PABPC4L: variants seen among roughly 807,000 people sequenced by gnomAD.
PABPC4L encodes the protein polyadenylate-binding protein 4-like.
For missense variants in PABPC4L, 452 were observed against 451.4 expected, an observed-to-expected ratio of 1.00 and a Z score of -0.01; for synonymous variants, 169 against 164.1, an observed-to-expected ratio of 1.03 and a Z score of -0.23.
chr4:134,078,755 C>A, the PABPC4L span, among the ~76,000 whole-genome samples: 3 of 151,532 alleles, frequency 2.0e-5, no homozygotes, highest in African/African-American at 4.9e-5. Context: ...CGTGTTCAAG[C>A]CTTTCTCCTG....
the PABPC4L span, among the ~76,000 whole-genome samples, chr4:134,055,162 G>A: frequency 6.6e-6 from 1 of 151,878 alleles, no homozygotes; most frequent in Non-Finnish European, 1.5e-5. Flanking sequence ...ATCATATATT[G>A]AAGCTCTAAC....
the PABPC4L span, among the ~76,000 whole-genome samples, chr4:134,089,639 C>T: frequency 6.6e-6 from 1 of 151,976 alleles, no homozygotes; most frequent in African/African-American, 2.4e-5. Context: ...TACAGTTATC[C>T]TTTGAACAAT....
chr4:134,135,122 T>C, the PABPC4L span, among the ~76,000 whole-genome samples: 1 of 152,150 alleles, frequency 6.6e-6, no homozygotes, highest in African/African-American at 2.4e-5. Context: ...TAATCATTGA[T>C]AAGACACGCT....
chr4:134,022,571 GT>G, the PABPC4L span, among the ~76,000 whole-genome samples: 839 of 149,146 alleles, frequency 5.6e-3, 9 homozygotes, highest in African/African-American at 0.019. Context: ...TATTAGTTTA[GT>G]TTTTTTTTTA....
chr4:134,049,150 A>G, the PABPC4L span, among the ~76,000 whole-genome samples: 12 of 152,178 alleles, frequency 7.9e-5, no homozygotes, highest in African/African-American at 2.9e-4. Flanking sequence ...GATACTTATT[A>G]ATGCTTTAAG....
chr4:134,078,162 A>G, the PABPC4L span, among the ~76,000 whole-genome samples: 1 of 152,226 alleles, frequency 6.6e-6, no homozygotes, highest in South Asian at 2.1e-4. Flanking sequence ...AAAAGCTTAC[A>G]TAAGTATCTC....
the PABPC4L span, among the ~76,000 whole-genome samples, chr4:134,044,356 C>T: frequency 4.7e-4 from 71 of 152,248 alleles, no homozygotes; most frequent in African/African-American, 1.4e-3. Context: ...CTCAGCCTCC[C>T]GGGTTCACAG....
At chr4:134,156,217 A>G in the PABPC4L span, among the ~76,000 whole-genome samples, 1 of 152,000 alleles carries the variant, frequency 6.6e-6, no homozygotes, top group African/African-American at 2.4e-5. Context: ...TTCTAAAGTA[A>G]TCTCGACCTA....
chr4:134,094,269 G>T, the PABPC4L span, among the ~76,000 whole-genome samples: 5 of 151,740 alleles, frequency 3.3e-5, no homozygotes, highest in Non-Finnish European at 7.4e-5. Flanking sequence ...CCTCAACCAA[G>T]ATAGCCATTC....
At chr4:133,953,471 C>T in the PABPC4L span, among the ~76,000 whole-genome samples, 1 of 152,144 alleles carries the variant, frequency 6.6e-6, no homozygotes, top group Non-Finnish European at 1.5e-5. Context: ...CTTTTAGTTA[C>T]AAAATTAACA....
chr4:133,986,798 C>T, the PABPC4L span, among the ~76,000 whole-genome samples: 4 of 151,064 alleles, frequency 2.6e-5, no homozygotes, highest in Non-Finnish European at 4.4e-5. Context: ...TGCAGTGGCA[C>T]GATCTCAGCT....
chr4:133,972,378 C>A, the PABPC4L span, among the ~76,000 whole-genome samples: 1 of 152,190 alleles, frequency 6.6e-6, no homozygotes, highest in East Asian at 1.9e-4. Context: ...TTTCCTTGGA[C>A]AGATATAGCA....
the PABPC4L span, among the ~76,000 whole-genome samples, chr4:134,160,284 T>A: frequency 2.6e-5 from 4 of 152,208 alleles, no homozygotes; most frequent in Admixed American, 2.6e-4. Context: ...AGATCCCTTC[T>A]GATTGGAGAA....
At chr4:134,002,966 G>GA in the PABPC4L span, among the ~76,000 whole-genome samples, 1 of 151,760 alleles carries the variant, frequency 6.6e-6, no homozygotes, top group African/African-American at 2.4e-5. Context: ...GCAAAACTAG[G>GA]AAAAAAGACT....
At chr4:134,201,536 G>T (rs1310392189) in intron 1 of PABPC4L, among the ~76,000 whole-genome samples, 182 bp downstream of exon 1, 1 of 152,056 alleles carries the variant, frequency 6.6e-6, no homozygotes, top group Non-Finnish European at 1.5e-5. Context: ...AGGCGCCGCC[G>T]CCGCCGAGGC....
At chr4:134,156,675 T>C in the PABPC4L span, among the ~76,000 whole-genome samples, 2 of 151,878 alleles carry the variant, frequency 1.3e-5, no homozygotes, top group Non-Finnish European at 2.9e-5. Flanking sequence ...TAATAAATAC[T>C]AGATCTATAT....
At chr4:134,043,398 A>G in the PABPC4L span, among the ~76,000 whole-genome samples, 2 of 152,316 alleles carry the variant, frequency 1.3e-5, no homozygotes, top group African/African-American at 4.8e-5. Context: ...TAGAAAGAAT[A>G]AGATATTTGC....
chr4:133,982,098 C>T, the PABPC4L span, among the ~76,000 whole-genome samples: 2 of 151,888 alleles, frequency 1.3e-5, no homozygotes, highest in African/African-American at 4.8e-5. Context: ...CCATCAAAAA[C>T]CTTGTAAAAT....
At chr4:134,152,998 C>G in the PABPC4L span, among the ~76,000 whole-genome samples, 1 of 151,984 alleles carries the variant, frequency 6.6e-6, no homozygotes, top group Non-Finnish European at 1.5e-5. Context: ...ACTAATAGAC[C>G]AAGAACTCAC....
Sources: allele counts gnomAD v4.1 joint callset (sites outside exome capture counted in the v4.1 genomes callset), GRCh38; gene constraint gnomAD v4.1.1; transcripts MANE v1.5; gene names NCBI Gene and HGNC (gene_info 2026-07-23, HGNC 2026-07-21).